The following NECAB1 variants were observed in gnomAD, a reference collection of about 807,000 sequenced individuals.
NECAB1 encodes the protein N-terminal EF-hand calcium-binding protein 1.
Under a neutral mutation model 57.5 loss-of-function variants are expected in NECAB1, and 29 were observed. That is an observed-to-expected ratio of 0.50 (90% CI 0.38 to 0.69). The LOEUF (loss-of-function observed/expected upper bound fraction) is 0.69, where lower values mean the gene tolerates loss of function less well. Among genes scored for constraint, NECAB1 ranks in the 30% least tolerant of loss-of-function variants. The probability of loss-of-function intolerance (pLI) is 0.00; values close to 1 mark genes in which losing one functional copy is unlikely to be tolerated. For missense variants in NECAB1, 372 were observed against 413.8 expected, an observed-to-expected ratio of 0.90 and a Z score of 0.88; for synonymous variants, 142 against 147.7, an observed-to-expected ratio of 0.96 and a Z score of 0.28.
chr8:90,795,963 C>T (rs1811654691), intron 1 of NECAB1, among the ~76,000 whole-genome samples: 1 of 152,174 alleles, frequency 6.6e-6, no homozygotes, highest in Non-Finnish European at 1.5e-5. Flanking sequence ...CCTGCACATC[C>T]TGTACATGTA....
chr8:90,901,699 C>T (rs1809507172), intron 5 of NECAB1, among the ~76,000 whole-genome samples: 1 of 152,116 alleles, frequency 6.6e-6, no homozygotes, highest in Non-Finnish European at 1.5e-5. Context: ...ATAGTACGAC[C>T]ATTTGACCCT....
At chr8:90,849,049 C>G (rs2129769519) in intron 3 of NECAB1, among the ~76,000 whole-genome samples, 1 of 152,308 alleles carries the variant, frequency 6.6e-6, no homozygotes, top group East Asian at 1.9e-4. Context: ...ACCTCCCACC[C>G]CATGTCCCTC....
chr8:90,793,383 T>C (rs1811608919), intron 1 of NECAB1, among the ~76,000 whole-genome samples: 1 of 152,170 alleles, frequency 6.6e-6, no homozygotes, highest in African/African-American at 2.4e-5. Context: ...GGGCTGGTCA[T>C]CTCCTTCCCA....
chr8:90,906,876 C>CACATATAT (rs375695060), intron 5 of NECAB1, among the ~76,000 whole-genome samples: 1 of 121,764 alleles, frequency 8.2e-6, no homozygotes, highest in Non-Finnish European at 1.7e-5. Flanking sequence ...ATGATATACA[C>CACATATAT]ATATATATAT....
intron 3 of NECAB1, among the ~76,000 whole-genome samples, chr8:90,862,643 G>C (rs1808422717): frequency 6.6e-6 from 1 of 151,970 alleles, no homozygotes. Flanking sequence ...ACTTGTTTAT[G>C]TTTGAATTAA....
At chr8:90,819,623 T>C (rs1344112683) in intron 2 of NECAB1, among the ~76,000 whole-genome samples, 1 of 151,784 alleles carries the variant, frequency 6.6e-6, no homozygotes, top group African/African-American at 2.4e-5. Context: ...CATACAGGAG[T>C]CCTTCTGTGG....
intron 1 of NECAB1, among the ~76,000 whole-genome samples, chr8:90,795,262 C>T (rs1457304128): frequency 6.6e-6 from 1 of 152,192 alleles, no homozygotes; most frequent in African/African-American, 2.4e-5. Context: ...AACTCATCCC[C>T]AAAAGCAAGA....
At chr8:90,795,219 CGCT>C (rs1811640523) in intron 1 of NECAB1, among the ~76,000 whole-genome samples, 1 of 152,192 alleles carries the variant, frequency 6.6e-6, no homozygotes, top group Non-Finnish European at 1.5e-5. Context: ...TAATCAACTC[CGCT>C]ACTGTGAAAA....
intron 3 of NECAB1, among the ~76,000 whole-genome samples, chr8:90,869,458 A>G (rs1808582258): frequency 6.6e-6 from 1 of 152,086 alleles, no homozygotes; most frequent in Non-Finnish European, 1.5e-5. Context: ...CAGGGGCTGG[A>G]CCCTGCAGAA....
intron 2 of NECAB1, among the ~76,000 whole-genome samples, chr8:90,823,081 A>G (rs1270287859): frequency 6.6e-6 from 1 of 151,832 alleles, no homozygotes; most frequent in African/African-American, 2.4e-5. Context: ...TACCTCATTC[A>G]AAAACAGAAA....
At chr8:90,801,046 T>C (rs1010908931) in intron 1 of NECAB1, among the ~76,000 whole-genome samples, 11 of 151,132 alleles carry the variant, frequency 7.3e-5, no homozygotes, top group African/African-American at 2.2e-4. Context: ...AGCATAGACA[T>C]GTGGTTACTC....
chr8:90,880,804 T>C (rs1808822883), intron 4 of NECAB1, among the ~76,000 whole-genome samples: 2 of 152,196 alleles, frequency 1.3e-5, no homozygotes, highest in Admixed American at 6.5e-5. Flanking sequence ...GGAAGGAACA[T>C]TTCTTCAAGG....
chr8:90,821,202 C>A (rs1210768923), intron 2 of NECAB1, among the ~76,000 whole-genome samples: 2 of 151,788 alleles, frequency 1.3e-5, no homozygotes, highest in Non-Finnish European at 2.9e-5. Flanking sequence ...CACAGGTACC[C>A]CCAATCTCAA....
At position 90,833,474 on chromosome 8, in the gene NECAB1, T is replaced by A. The variant is rs371316006; in HGVS notation, c.233+8649T>A. Among the ~76,000 whole-genome samples, 4 of 152,154 alleles carry A rather than the reference T, an allele frequency of 2.6e-5. No homozygotes were observed. In the South Asian group the frequency reaches 8.3e-4, roughly 32 times the overall value. On this transcript the variant is annotated intron_variant, in intron 3 of 12. Coordinates refer to ENST00000417640, the MANE Select transcript of NECAB1 (RefSeq NM_022351.5). ...AGAATGTGCAGGTTTGTTACGTAGG[T>A]ATACATGTGCCACGGTGGTTTGCTA... is the stretch of plus-strand genomic sequence containing the variant.
chr8:90,834,521 C>A (rs1292483608), intron 3 of NECAB1, among the ~76,000 whole-genome samples: 1 of 152,134 alleles, frequency 6.6e-6, no homozygotes, highest in Non-Finnish European at 1.5e-5. Context: ...CGATGAGTAA[C>A]AAGCCCTCAT....
intron 5 of NECAB1, among the ~76,000 whole-genome samples, chr8:90,882,302 T>A (rs1808857354): frequency 6.6e-6 from 1 of 151,986 alleles, no homozygotes; most frequent in Non-Finnish European, 1.5e-5. Context: ...CTCAACTGAA[T>A]TTTGAAAAAT....
At chr8:90,954,985 ATATG>A (rs1445474227) in intron 12 of NECAB1, among the ~76,000 whole-genome samples, 28 of 129,530 alleles carry the variant, frequency 2.2e-4, no homozygotes, top group African/African-American at 5.7e-4. Flanking sequence ...GTGTGTACAT[ATATG>A]TATGTATATG....
intron 2 of NECAB1, chr8:90,813,042 G>A (rs1343786765): frequency 6.6e-6 from 1 of 152,188 alleles, no homozygotes; most frequent in Non-Finnish European, 1.5e-5. Flanking sequence ...CAAAAAATTA[G>A]CCAGGCGCGG....
intron 2 of NECAB1, among the ~76,000 whole-genome samples, chr8:90,812,020 C>G (rs1202827264): frequency 6.6e-6 from 1 of 151,968 alleles, no homozygotes; most frequent in Non-Finnish European, 1.5e-5. Context: ...ATCTCTCAAG[C>G]AAAAATCAGT....
Sources: allele counts gnomAD v4.1 joint callset (sites outside exome capture counted in the v4.1 genomes callset), GRCh38; gene constraint gnomAD v4.1.1; transcripts MANE v1.5; gene names NCBI Gene and HGNC (gene_info 2026-07-23, HGNC 2026-07-21).